The following STAT3 variants were observed in gnomAD, a reference collection of about 807,000 sequenced individuals.
STAT3 encodes signal transducer and activator of transcription 3.
In STAT3, 7 loss-of-function variants were observed where a neutral mutation model predicts 114.3. That is an observed-to-expected ratio of 0.06 (90% CI 0.03 to 0.11). The LOEUF is 0.11. Ranked by LOEUF, STAT3 falls within the 10% of genes least tolerant of loss-of-function variation. STAT3 has a pLI of 1.00. For missense variants in STAT3, 364 were observed against 960.9 expected (o/e 0.38, Z 8.21); for synonymous variants, 331 against 354.5 (o/e 0.93, Z 0.74).
Position 42,313,484 on chromosome 17 carries a change from T to G in STAT3, c.*2261A>C, listed in dbSNP as rs967025387. On this transcript the variant is annotated 3_prime_UTR_variant, in exon 24 of 24. Coordinates refer to ENST00000264657, the MANE Select transcript of STAT3 (RefSeq NM_139276.3). Reference sequence around the variant, plus strand: ...GAATGCAGTGGCCAGGACAGCAGCTTATAAACCACCTTATAGGTAGGTAAG... The same window carrying G: ...GAATGCAGTGGCCAGGACAGCAGCTGATAAACCACCTTATAGGTAGGTAAG... 1 of 227,394 alleles carries G rather than the reference T, an allele frequency of 4.4e-6. No individual in the cohort carries two copies. Among genetic ancestry groups the G allele is most frequent in the Admixed American group, 5.7e-5 (1 of 17,548 alleles). 14.1% of individuals were successfully genotyped at this position (227,394 alleles called of 1,614,324 possible).
Position 42,339,295 on chromosome 17 carries a change from G to C in STAT3, c.468+19C>G, listed in dbSNP as rs2144894888. On this transcript the variant is annotated intron_variant, in intron 5 of 23. Transcript: ENST00000264657. ...AAATTAATGAAAGCTCCCTGCCCGA[G>C]GCTTGTAACTTGCATCACCTGCACT... 6.2e-7 allele frequency: 1 copy of C among 1,611,344 alleles called. No homozygotes were observed. The highest frequency in any genetic ancestry group is 1.3e-5 in the African/African-American group (1 of 74,870).
intron 1 of STAT3, among the ~76,000 whole-genome samples, chr17:42,371,143 T>C (rs1598502819): frequency 6.6e-6 from 1 of 151,718 alleles, no homozygotes; most frequent in African/African-American, 2.4e-5. Context: ...CACAAAGGAG[T>C]AGATGGTGGT....
rs780466766 is a variant in STAT3 at position 42,322,333 on chromosome 17, C to T, written c.2050G>A (p.Gly684Arg). The stretch of plus-strand genomic sequence containing the variant: ...TGGCTCTCTGGCCGACAATACTTTC[C>T]GAATGCCTCCTCCTTGGGAATGTCA... ...YPDIPKEEAFGKYCRPESQEH... is the reference protein window; with the variant it reads ...YPDIPKEEAFRKYCRPESQEH... Residue 684 changes from glycine (G) to arginine (R), a missense_variant, in exon 21 of 24, where the codon GGA becomes AGA. By Grantham distance (125) the Gly-to-Arg change is moderately radical. Coordinates refer to ENST00000264657, the MANE Select transcript of STAT3 (RefSeq NM_139276.3). 5 of 1,614,216 alleles carry T rather than the reference C, an allele frequency of 3.1e-6. No homozygotes were observed. The highest frequency in any genetic ancestry group is 1.7e-5 in the Admixed American group (1 of 60,020).
chr17:42,336,616 T>A (rs1044050888), intron 8 of STAT3, among the ~76,000 whole-genome samples: 1 of 151,748 alleles, frequency 6.6e-6, no homozygotes, highest in Non-Finnish European at 1.5e-5. Context: ...GAAAAAAAAA[T>A]GATCCTAATA....
chr17:42,354,204 C>T (rs1216844836), intron 1 of STAT3, among the ~76,000 whole-genome samples: 5 of 118,060 alleles, frequency 4.2e-5, no homozygotes, highest in Non-Finnish European at 8.2e-5. Context: ...AGATGAAATA[C>T]TGTCACCCGG....
rs945986023 is a variant in STAT3 at position 42,324,376 on chromosome 17, TA to T, written c.1600+334del. Among the ~76,000 whole-genome samples the T allele has an allele frequency of 1.3e-5, 2 of 151,956 alleles. No homozygotes were observed. Among genetic ancestry groups the T allele is most frequent in the Admixed American group, 6.6e-5 (1 of 15,242 alleles). On this transcript the variant is annotated intron_variant, in intron 17 of 23. Coordinates refer to ENST00000264657, the MANE Select transcript of STAT3 (RefSeq NM_139276.3). This position sits in a 1 kb window ranked among gnomAD's most constrained non-coding sequence, Gnocchi z 4.5. ...AAAAACCAACTAGCCTATAGTTTAT[TA>T]AAAAAATGGACAGGGAATGTCAAGC...
chr17:42,386,898 C>G (rs1476852108), intron 1 of STAT3: 1 of 152,156 alleles, frequency 6.6e-6, no homozygotes, highest in Non-Finnish European at 1.5e-5. Flanking sequence ...TGGGCTAGCA[C>G]TCCTGTCTGG....
At chr17:42,345,311 C>A in intron 4 of STAT3, 21 of 448,860 alleles carry the variant, frequency 4.7e-5, no homozygotes, top group South Asian at 8.8e-5. Flanking sequence ...CAGAACAAAA[C>A]AAAACTTTTA....
In STAT3 at chr17:42,313,829, A is replaced by G. The variant is rs1412615593; in HGVS notation, c.*1916T>C. 2 of 232,754 alleles carry G rather than the reference A, an allele frequency of 8.6e-6. No individual in the cohort carries two copies. The highest frequency in any genetic ancestry group is 6.0e-5 in the East Asian group (1 of 16,618). 14.4% of individuals were successfully genotyped at this position (232,754 alleles called of 1,614,324 possible). On this transcript the variant is annotated 3_prime_UTR_variant, in exon 24 of 24. Transcript: ENST00000264657. The stretch of plus-strand genomic sequence containing the variant: ...TACTGAAGAGTGTTGCTGGAGAAGT[A>G]AGAGCTCTGCATGACACATCAACTG...
intron 8 of STAT3, 64 bp from the exon 9 acceptor site, chr17:42,334,113 G>A: frequency 6.3e-7 from 1 of 1,595,858 alleles, no homozygotes; most frequent in Non-Finnish European, 8.6e-7. Flanking sequence ...GATGGAGAAG[G>A]GGAAGGAAAT....
At chr17:42,368,293 C>T (rs1439061708) in intron 1 of STAT3, among the ~76,000 whole-genome samples, 1 of 152,196 alleles carries the variant, frequency 6.6e-6, no homozygotes, top group African/African-American at 2.4e-5. Flanking sequence ...GAGACTTTAG[C>T]ACTCTCTTGT....
chr17:42,315,499 G>A lies in STAT3; in HGVS notation c.*246C>T. ...CTAGCCACCCCCCGCCACATCCCCT[G>A]ATCATGGGTCTCAGAGAACACATCC... On this transcript the variant is annotated 3_prime_UTR_variant, in exon 24 of 24. Transcript: ENST00000264657. The A allele has an allele frequency of 1.7e-6, 1 of 600,896 alleles. No homozygotes were observed. Among genetic ancestry groups the A allele is most frequent in the Non-Finnish European group, 3.0e-6 (1 of 336,872 alleles). The allele number at this position is 600,896 out of a possible 1,614,324, so 37.2% of individuals were successfully genotyped here.
At chr17:42,323,184 G>C (rs779960464) in intron 19 of STAT3, 41 bp from the exon 20 acceptor site, 1 of 1,614,172 alleles carries the variant, frequency 6.2e-7, no homozygotes, top group South Asian at 1.1e-5. Context: ...ATTGCTAACA[G>C]GGCATCCATC....
At position 42,324,180 on chromosome 17, in the gene STAT3, G is replaced by A. The variant is rs193034937; in HGVS notation, c.1600+531C>T. 2.7e-4 allele frequency among the ~76,000 whole-genome samples: 41 copies of A among 152,144 alleles called. 1 individual carries two copies. The East Asian group carries it at 7.0e-3, about 26-fold the overall frequency. Reference sequence around the variant, plus strand: ...CTAAAAATACAAAAATTAGCTGGGCGTGGTGGTGAGCACCTGTAGTCTCAG... The same window carrying A: ...CTAAAAATACAAAAATTAGCTGGGCATGGTGGTGAGCACCTGTAGTCTCAG... On this transcript the variant is annotated intron_variant, in intron 17 of 23. Transcript: ENST00000264657. This position sits in a 1 kb window ranked among gnomAD's most constrained non-coding sequence, Gnocchi z 4.5.
In STAT3 at chr17:42,339,218, T is replaced by G. The variant is rs1363667645; in HGVS notation, c.468+96A>C. On this transcript the variant is annotated intron_variant, in intron 5 of 23. Transcript: ENST00000264657. ...CTGCAGTGAGCTGTGATCATGCCAC[T>G]GCAGCCCAGCCTGAGTGGCAGAGCA... 4 of 1,238,336 alleles carry G rather than the reference T, an allele frequency of 3.2e-6. No individual in the cohort carries two copies. The African/African-American group carries it at 6.2e-5, about 19-fold the overall frequency. The allele number at this position is 1,238,336 out of a possible 1,614,324, so 76.7% of individuals were successfully genotyped here.
chr17:42,367,339 C>CA (rs770105081), intron 1 of STAT3, among the ~76,000 whole-genome samples: 1,928 of 119,440 alleles, frequency 0.016, 18 homozygotes, highest in African/African-American at 0.04. Flanking sequence ...ATTTTGTCTC[C>CA]AAAAAAAAAA....
chr17:42,366,417 T>C (rs1406709047), intron 1 of STAT3, among the ~76,000 whole-genome samples: 1 of 152,128 alleles, frequency 6.6e-6, no homozygotes, highest in Non-Finnish European at 1.5e-5. Flanking sequence ...AGGCCTATAA[T>C]CCCAGCACTT....
intron 1 of STAT3, among the ~76,000 whole-genome samples, chr17:42,356,622 A>G (rs1253746659): frequency 1.3e-5 from 2 of 150,710 alleles, no homozygotes; most frequent in Non-Finnish European, 2.9e-5. Context: ...ACATTTTTCT[A>G]TGAAAAGAGT....
chr17:42,315,640 C>G lies in STAT3; in HGVS notation c.*105G>C. 8.0e-7 allele frequency: 1 copy of G among 1,244,584 alleles called. No homozygotes were observed. The highest frequency in any genetic ancestry group is 1.2e-5 in the South Asian group (1 of 83,114). 77.1% of individuals were successfully genotyped at this position (1,244,584 alleles called of 1,614,324 possible). A position where few individuals can be genotyped will look rare whatever the true frequency, so the allele number is the denominator to read the frequency against. On this transcript the variant is annotated 3_prime_UTR_variant, in exon 24 of 24. Transcript: ENST00000264657. ...GGAGATTAAAAAAAATCTGGAACCA[C>G]AAAGTTAGTAGTTTCAGATGATCTG...
Sources: allele counts gnomAD v4.1 joint callset (sites outside exome capture counted in the v4.1 genomes callset), GRCh38; gene constraint gnomAD v4.1.1; non-coding constraint Gnocchi (gnomAD v3.1); transcripts MANE v1.5; gene names NCBI Gene and HGNC (gene_info 2026-07-23, HGNC 2026-07-21).